Variants in MEF2C observed in about 807,000 individuals in gnomAD.
MEF2C encodes the protein myocyte enhancer factor 2C, also known as myocyte-specific enhancer factor 2C.
Under a neutral mutation model 50.5 loss-of-function variants are expected in MEF2C, and 6 were observed. The ratio of observed to expected loss-of-function variants is 0.12; its 90% CI spans 0.07 to 0.23. MEF2C has a LOEUF of 0.23. MEF2C is among the 10% of genes least tolerant of loss of function. The probability of loss-of-function intolerance (pLI) is 1.00; values close to 1 mark genes in which losing one functional copy is unlikely to be tolerated. For missense variants in MEF2C, 276 were observed against 605.0 expected, an observed-to-expected ratio of 0.46 and a Z score of 5.70; for synonymous variants, 183 against 228.0, an observed-to-expected ratio of 0.80 and a Z score of 1.78.
intron 1 of MEF2C, among the ~76,000 whole-genome samples, chr5:88,840,456 A>G (rs1022561002): frequency 6.6e-6 from 1 of 152,212 alleles, no homozygotes; most frequent in African/African-American, 2.4e-5. Flanking sequence ...AAATATACAT[A>G]GTCCTTGAAA....
chr5:88,775,414 T>C (rs1784304588), intron 3 of MEF2C, among the ~76,000 whole-genome samples: 1 of 152,216 alleles, frequency 6.6e-6, no homozygotes, highest in South Asian at 2.1e-4. Flanking sequence ...CTAACATACA[T>C]TGCATTATGG....
At chr5:88,778,719 A>T (rs980656747) in intron 3 of MEF2C, among the ~76,000 whole-genome samples, 1 of 152,222 alleles carries the variant, frequency 6.6e-6, no homozygotes, top group African/African-American at 2.4e-5. Context: ...AAAGTAAATG[A>T]CTTAAACTTC....
intron 1 of MEF2C, among the ~76,000 whole-genome samples, chr5:88,874,226 C>T (rs148114357): frequency 7.6e-4 from 116 of 151,954 alleles, no homozygotes; most frequent in African/African-American, 2.5e-3. Context: ...GGCAAGATAG[C>T]GAATTTTCTA....
At chr5:88,829,597 C>G (rs1812250715) in intron 1 of MEF2C, among the ~76,000 whole-genome samples, 2 of 152,014 alleles carry the variant, frequency 1.3e-5, no homozygotes, top group Admixed American at 1.3e-4. Context: ...TTACTGACTA[C>G]TACTAAAAAT....
chr5:88,799,913 CAGAGAG>C (rs60801087), intron 3 of MEF2C, among the ~76,000 whole-genome samples: 11,378 of 62,812 alleles, frequency 0.18, 555 homozygotes, highest in Non-Finnish European at 0.29. Context: ...CACACACACA[CAGAGAG>C]AGAGACACAC....
At chr5:88,886,707 T>C (rs1248609163), upstream of MEF2C, among the ~76,000 whole-genome samples, 2 of 152,240 alleles carry the variant, frequency 1.3e-5, no homozygotes, top group Non-Finnish European at 2.9e-5. Flanking sequence ...CTACATTAAG[T>C]TGTAAATGCT....
At position 88,750,057 on chromosome 5, in the gene MEF2C, G is replaced by GA. The variant is rs1771934268; in HGVS notation, c.590-941dup. On this transcript the variant is annotated intron_variant, in intron 5 of 10. Transcript: ENST00000504921. Reference sequence around the variant, plus strand: ...AAAAAAAAAAATTACTTTTAGTTTTGAAAAAAACAACATTCAGCCAAAAGA... The same window carrying GA: ...AAAAAAAAAAATTACTTTTAGTTTTGAAAAAAAACAACATTCAGCCAAAAGA... The GA allele has an allele frequency of 2.2e-5, 12 of 556,500 alleles. No individual in the cohort carries two copies. The South Asian group carries it at 7.1e-4, about 33-fold the overall frequency. 34.5% of individuals were successfully genotyped at this position (556,500 alleles called of 1,614,324 possible). A position where few individuals can be genotyped will look rare whatever the true frequency, so the allele number is the denominator to read the frequency against.
chr5:88,757,489 C>T (rs987120440), intron 4 of MEF2C, among the ~76,000 whole-genome samples: 1 of 152,114 alleles, frequency 6.6e-6, no homozygotes, highest in Admixed American at 6.5e-5. Context: ...TCAAGGCTGC[C>T]TGACAAGTCT....
At chr5:88,891,577 T>C (rs888854175) in intron 1 of MEF2C, among the ~76,000 whole-genome samples, 2 of 151,696 alleles carry the variant, frequency 1.3e-5, no homozygotes, top group Non-Finnish European at 2.9e-5. Flanking sequence ...TAATATTTTC[T>C]TTTTTTGTAT....
At chr5:88,775,363 G>A (rs547349062) in intron 3 of MEF2C, among the ~76,000 whole-genome samples, 5 of 152,214 alleles carry the variant, frequency 3.3e-5, no homozygotes, top group Admixed American at 1.3e-4. Context: ...GTAATTGCTC[G>A]GAGAGGACAC....
intron 1 of MEF2C, among the ~76,000 whole-genome samples, chr5:88,880,485 A>G (rs1832493967): frequency 6.6e-6 from 1 of 152,174 alleles, no homozygotes; most frequent in Admixed American, 6.5e-5. Context: ...TTTAGAGTTG[A>G]GAAATAAAAC....
At chr5:88,785,311 CACACACACGT>C (rs1790341816) in intron 3 of MEF2C, 1 of 146,808 alleles carries the variant, frequency 6.8e-6, no homozygotes, top group South Asian at 2.1e-4. Flanking sequence ...CACACACACA[CACACACACGT>C]ATTTTTTTAT....
At chr5:88,829,798 G>A (rs1812338927) in intron 1 of MEF2C, among the ~76,000 whole-genome samples, 1 of 151,942 alleles carries the variant, frequency 6.6e-6, no homozygotes, top group African/African-American at 2.4e-5. Context: ...ACTCCAGACT[G>A]ATTATTTAAT....
At chr5:88,885,704 C>T (rs115590422), upstream of MEF2C, among the ~76,000 whole-genome samples, 1 of 152,140 alleles carries the variant, frequency 6.6e-6, no homozygotes, top group Non-Finnish European at 1.5e-5. Context: ...CTTCAAGATT[C>T]ACGAAGGTCC....
chr5:88,741,038 G>A (rs1766491923), intron 6 of MEF2C: 8 of 985,358 alleles, frequency 8.1e-6, no homozygotes, highest in African/African-American at 1.7e-5. Context: ...AGTTCATAAC[G>A]TTCAAAGTGA....
intron 8 of MEF2C, among the ~76,000 whole-genome samples, chr5:88,729,913 G>A (rs1472613032): frequency 6.6e-6 from 1 of 151,974 alleles, no homozygotes; most frequent in Non-Finnish European, 1.5e-5. Flanking sequence ...TTAAAATCAT[G>A]AGACTTTAAT....
intron 3 of MEF2C, among the ~76,000 whole-genome samples, chr5:88,800,217 G>A (rs1206538982): frequency 6.6e-6 from 1 of 152,130 alleles, no homozygotes; most frequent in African/African-American, 2.4e-5. Context: ...TGGATATGGA[G>A]GTAACCTGTC....
chr5:88,751,251 A>G (rs1413206570), intron 5 of MEF2C: 1 of 985,328 alleles, frequency 1.0e-6, no homozygotes, highest in East Asian at 1.1e-4. Flanking sequence ...GAATTGAACA[A>G]CAGCAAGTAA....
chr5:88,802,443 T>C (rs1798750526), intron 3 of MEF2C, among the ~76,000 whole-genome samples: 1 of 152,182 alleles, frequency 6.6e-6, no homozygotes, highest in Admixed American at 6.5e-5. Context: ...AAGTGGGTTT[T>C]TTTGTTGTTG....
Sources: allele counts gnomAD v4.1 joint callset (sites outside exome capture counted in the v4.1 genomes callset), GRCh38; gene constraint gnomAD v4.1.1; transcripts MANE v1.5; gene names NCBI Gene and HGNC (gene_info 2026-07-23, HGNC 2026-07-21).